PPP2R2A: variants seen among roughly 807,000 people sequenced by gnomAD.
The protein encoded by PPP2R2A is serine/threonine-protein phosphatase 2A 55 kDa regulatory subunit B alpha isoform.
Under a neutral mutation model 53.2 loss-of-function variants are expected in PPP2R2A, and 9 were observed. The observed-to-expected ratio is 0.17, with a 90% confidence interval of 0.10 to 0.30. The LOEUF (loss-of-function observed/expected upper bound fraction) is 0.30, where lower values mean the gene tolerates loss of function less well. Ranked by LOEUF, PPP2R2A falls within the 10% of genes least tolerant of loss-of-function variation. The probability of loss-of-function intolerance (pLI) is 1.00; values close to 1 mark genes in which losing one functional copy is unlikely to be tolerated. For missense variants in PPP2R2A, 235 were observed against 534.6 expected, an observed-to-expected ratio of 0.44 and a Z score of 5.53; for synonymous variants, 169 against 174.2, an observed-to-expected ratio of 0.97 and a Z score of 0.23.
intron 2 of PPP2R2A, among the ~76,000 whole-genome samples, chr8:26,322,529 G>A (rs540328397): frequency 1.3e-4 from 20 of 151,990 alleles, no homozygotes; most frequent in East Asian, 1.9e-4. Context: ...TACATAGGCA[G>A]TGCAACAAGA....
intron 2 of PPP2R2A, among the ~76,000 whole-genome samples, chr8:26,308,647 A>G (rs562051520): frequency 1.3e-5 from 2 of 152,154 alleles, no homozygotes; most frequent in South Asian, 4.1e-4. Flanking sequence ...TACTTCCTAC[A>G]TGGAAGTCTT....
chr8:26,334,392 A>G (rs1449563574), intron 2 of PPP2R2A, among the ~76,000 whole-genome samples: 4 of 152,154 alleles, frequency 2.6e-5, no homozygotes, highest in Non-Finnish European at 5.9e-5. Context: ...AACATGATAC[A>G]CAGTGCATTG....
intron 2 of PPP2R2A, among the ~76,000 whole-genome samples, chr8:26,301,012 A>G (rs1413995995): frequency 2.0e-5 from 3 of 152,176 alleles, no homozygotes; most frequent in Admixed American, 6.5e-5. Flanking sequence ...CTTTACATCT[A>G]TTTATTTACT....
rs371750587 is a variant in PPP2R2A at position 26,353,623 on chromosome 8, G to A, written c.181-845G>A. 9.2e-5 allele frequency among the ~76,000 whole-genome samples: 14 copies of A among 152,042 alleles called. No homozygotes were observed. In the East Asian group the frequency reaches 1.7e-3, roughly 19 times the overall value. The stretch of plus-strand genomic sequence containing the variant: ...AATGTTTTTAATCGTGTGATAATAG[G>A]TCAAAAGATGAAATTCTGAACATGA... On this transcript the variant is annotated intron_variant, in intron 3 of 9. Coordinates refer to ENST00000380737, the MANE Select transcript of PPP2R2A (RefSeq NM_002717.4).
chr8:26,293,377 C>T (rs896927363), intron 1 of PPP2R2A: 31 of 1,105,880 alleles, frequency 2.8e-5, no homozygotes, highest in Non-Finnish European at 3.7e-5. Flanking sequence ...GTAGGTCTTG[C>T]CTGAATGTAA....
At chr8:26,335,931 A>G (rs1473351342) in intron 2 of PPP2R2A, among the ~76,000 whole-genome samples, 1 of 152,242 alleles carries the variant, frequency 6.6e-6, no homozygotes, top group Non-Finnish European at 1.5e-5. Context: ...GTGATACGTT[A>G]TTGGAGCAAA....
At chr8:26,299,510 CT>C (rs1801687413) in intron 2 of PPP2R2A, among the ~76,000 whole-genome samples, 1 of 152,054 alleles carries the variant, frequency 6.6e-6, no homozygotes, top group South Asian at 2.1e-4. Flanking sequence ...TTTCTGTTTA[CT>C]TTTGGTAGGA....
chr8:26,293,927 T>A (rs1801423182), intron 2 of PPP2R2A, 187 bp downstream of exon 2: 1 of 590,088 alleles, frequency 1.7e-6, no homozygotes, highest in African/African-American at 1.9e-5. Flanking sequence ...ATTTACGCCT[T>A]GTTTTTATTA....
At chr8:26,309,059 A>G (rs772934338) in intron 2 of PPP2R2A, among the ~76,000 whole-genome samples, 9 of 152,014 alleles carry the variant, frequency 5.9e-5, no homozygotes, top group African/African-American at 1.5e-4. Flanking sequence ...TGGGGTTTCA[A>G]TGTGTTGTCC....
intron 9 of PPP2R2A, among the ~76,000 whole-genome samples, chr8:26,369,912 G>A (rs1371649114): frequency 2.0e-5 from 3 of 152,146 alleles, no homozygotes; most frequent in Non-Finnish European, 4.4e-5. Context: ...TGTCAACTTT[G>A]CTGATAGTTT....
intron 4 of PPP2R2A, among the ~76,000 whole-genome samples, chr8:26,356,250 T>G (rs1341799912): frequency 6.6e-6 from 1 of 152,236 alleles, no homozygotes; most frequent in African/African-American, 2.4e-5. Context: ...TCCATCTAAT[T>G]GATGCCCCTC....
chr8:26,361,090 T>C lies in PPP2R2A; in HGVS notation c.576T>C (p.Tyr192=), dbSNP rs1378460375. ...CTATTAATAGTGATTATGAAACATA[T>C]TTATCTGCAGATGATTTGCGGATTA... is the stretch of plus-strand genomic sequence containing the variant. The part of the protein sequence containing the change: ...SISINSDYET[Y]LSADDLRINL... Residue 192 remains tyrosine (Y), a synonymous_variant, in exon 6 of 10, where the codon TAT becomes TAC. Coordinates refer to ENST00000380737, the MANE Select transcript of PPP2R2A (RefSeq NM_002717.4). The C allele has an allele frequency of 1.2e-6, 2 of 1,602,714 alleles. No individual in the cohort carries two copies. Among genetic ancestry groups the C allele is most frequent in the Admixed American group, 1.8e-5 (1 of 55,954 alleles).
intron 2 of PPP2R2A, among the ~76,000 whole-genome samples, chr8:26,315,259 A>T (rs2117247666): frequency 6.6e-6 from 1 of 152,188 alleles, no homozygotes; most frequent in African/African-American, 2.4e-5. Context: ...ACTGGCAGAG[A>T]TATTCGGCTG....
chr8:26,361,266 G>A (rs1805068603), intron 6 of PPP2R2A, 115 bp downstream of exon 6: 32 of 944,796 alleles, frequency 3.4e-5, no homozygotes, highest in Non-Finnish European at 4.6e-5. Context: ...GTACATATAT[G>A]TATGGCACCT....
At position 26,354,440 on chromosome 8, in the gene PPP2R2A, G is replaced by A; in HGVS notation, c.181-28G>A. On this transcript the variant is annotated intron_variant, in intron 3 of 9. Coordinates refer to ENST00000380737, the MANE Select transcript of PPP2R2A (RefSeq NM_002717.4). The surrounding 1 kb of genome is among the most constrained non-coding windows in gnomAD (Gnocchi z 4.6). ...TTATTTTGAAATATTTTTCAACAATGGTCCATATATTTTTGTTTTCATTTT... is the reference window on the plus strand; with the variant it reads ...TTATTTTGAAATATTTTTCAACAATAGTCCATATATTTTTGTTTTCATTTT... 1 of 1,463,324 alleles carries A rather than the reference G, an allele frequency of 6.8e-7. No homozygotes were observed. The highest frequency in any genetic ancestry group is 1.5e-5 in the South Asian group (1 of 68,638). 90.6% of individuals were successfully genotyped at this position (1,463,324 alleles called of 1,614,324 possible).
At chr8:26,303,111 T>G (rs996296391) in intron 2 of PPP2R2A, among the ~76,000 whole-genome samples, 16 of 152,226 alleles carry the variant, frequency 1.1e-4, no homozygotes, top group African/African-American at 3.4e-4. Context: ...GAAAGTAGTT[T>G]CTGTGACTTG....
At position 26,360,138 on chromosome 8, in the gene PPP2R2A, T is replaced by C. The variant is rs1805004617; in HGVS notation, c.347-31T>C. On this transcript the variant is annotated intron_variant, in intron 4 of 9. Transcript: ENST00000380737. This position sits in a 1 kb window ranked among gnomAD's most constrained non-coding sequence, Gnocchi z 4.5. ...CTTAAAATGTTTTTCTTCTTCAGTA[T>C]TTTAAGGACTTTTCTTTATTTTCTT... 1 of 1,280,584 alleles carries C rather than the reference T, an allele frequency of 7.8e-7. No individual in the cohort carries two copies. The highest frequency in any genetic ancestry group is 1.2e-5 in the South Asian group (1 of 80,266). The allele number at this position is 1,280,584 out of a possible 1,614,324, so 79.3% of individuals were successfully genotyped here.
At chr8:26,292,165 C>T (rs1258039757) in intron 1 of PPP2R2A, 23 of 1,186,302 alleles carry the variant, frequency 1.9e-5, no homozygotes, top group Non-Finnish European at 2.4e-5. Flanking sequence ...TCTCCCACCT[C>T]CCCACCTTGC....
intron 2 of PPP2R2A, among the ~76,000 whole-genome samples, chr8:26,330,311 T>TC (rs984649426): frequency 6.9e-6 from 1 of 144,166 alleles, no homozygotes; most frequent in Non-Finnish European, 1.6e-5. Flanking sequence ...TTTTTTCTTT[T>TC]TTTTTTTTTT....
Sources: gnomAD v4.1 joint callset for allele counts (sites outside exome capture counted in the v4.1 genomes callset) on GRCh38, gnomAD v4.1.1 for gene constraint, Gnocchi (gnomAD v3.1) non-coding constraint, MANE v1.5 for transcripts, NCBI Gene and HGNC (gene_info 2026-07-23, HGNC 2026-07-21) for gene names.